CEP290: variants seen among roughly 807,000 people sequenced by gnomAD.
CEP290 encodes centrosomal protein of 290 kDa.
A neutral mutation model predicts 344.9 loss-of-function variants in CEP290; 317 were observed. The ratio of observed to expected loss-of-function variants is 0.92; its 90% CI spans 0.84 to 1.01. CEP290 has a LOEUF of 1.01. Ranked by LOEUF, CEP290 falls within the 50% of genes least tolerant of loss-of-function variation. The pLI, the probability that CEP290 is intolerant of heterozygous loss-of-function variation, is 0.00. For synonymous variants in CEP290, 932 were observed against 895.8 expected (o/e 1.04, Z -0.72); for missense variants, 2,754 against 2,761.4 (o/e 1.00, Z 0.06).
intron 17 of CEP290, among the ~76,000 whole-genome samples, chr12:88,117,919 T>C (rs1229450696): frequency 4.0e-5 from 6 of 151,810 alleles, no homozygotes; most frequent in Admixed American, 6.6e-5. Context: ...GCCTGTAGTC[T>C]CAACTACTCA....
chr12:88,074,742 C>T (rs2035634904), intron 41 of CEP290, among the ~76,000 whole-genome samples: 2 of 152,098 alleles, frequency 1.3e-5, no homozygotes, highest in Admixed American at 6.5e-5. Context: ...TGCCCCATAC[C>T]CTAGGAGAAG....
Position 88,089,207 on chromosome 12 carries a change from T to C in CEP290, c.3854A>G (p.Lys1285Arg), listed in dbSNP as rs751458477. The part of the protein sequence containing the change: ...SGALPLAQQE[K>R]FSKTMIQLQN... ...TAGTTGAATCATTGTTTTGGAGAACTTTTCCTGTTGTGCCAAGGGTAAAGC... is the reference window on the plus strand; with the variant it reads ...TAGTTGAATCATTGTTTTGGAGAACCTTTCCTGTTGTGCCAAGGGTAAAGC... The change falls in exon 31 of 54, where the codon AAG becomes AGG. Residue 1285 changes from lysine to arginine, a missense_variant. Coordinates refer to ENST00000552810, the MANE Select transcript of CEP290 (RefSeq NM_025114.4). 9.3e-6 allele frequency: 15 copies of C among 1,613,350 alleles called. No individual in the cohort carries two copies. The highest frequency in any genetic ancestry group is 1.2e-5 in the Non-Finnish European group (14 of 1,179,540).
intron 41 of CEP290, among the ~76,000 whole-genome samples, chr12:88,073,817 T>C (rs1448804181): frequency 6.6e-6 from 1 of 152,182 alleles, no homozygotes; most frequent in African/African-American, 2.4e-5. Flanking sequence ...AGATTAGTTG[T>C]CCTATCAAAA....
Position 88,077,855 on chromosome 12 carries a change from T to C in CEP290, c.5428A>G (p.Asn1810Asp), listed in dbSNP as rs1351470304. 2.1e-6 allele frequency: 3 copies of C among 1,456,240 alleles called. No individual in the cohort carries two copies. Among genetic ancestry groups the C allele is most frequent in the Non-Finnish European group, 2.8e-6 (3 of 1,068,222 alleles). The allele number at this position is 1,456,240 out of a possible 1,614,324, so 90.2% of individuals were successfully genotyped here. Residue 1810 changes from asparagine to aspartate, a missense_variant, in exon 40 of 54, where the codon AAC becomes GAC. By Grantham distance (23) the Asn-to-Asp change is conservative (BLOSUM62 1). Transcript: ENST00000552810. ...KLKEALKTSK[N>D]RENSLTDNLN... ...TTATCAGTTAGTGAGTTTTCTCTGTTTTTACTTGTTTTAAGTGCTTCTTTC... is the reference window on the plus strand; with the variant it reads ...TTATCAGTTAGTGAGTTTTCTCTGTCTTTACTTGTTTTAAGTGCTTCTTTC...
chr12:88,086,302 T>C, intron 33 of CEP290, 89 bp downstream of exon 33: 1 of 1,428,294 alleles, frequency 7.0e-7, no homozygotes. Flanking sequence ...ATAACATCAA[T>C]TAAAATTACA....
intron 32 of CEP290, among the ~76,000 whole-genome samples, 191 bp downstream of exon 32, chr12:88,087,589 G>A (rs971097860): frequency 1.3e-5 from 2 of 151,372 alleles, no homozygotes; most frequent in South Asian, 2.1e-4. Context: ...GCACGGTGGC[G>A]GGTGCCTGTA....
Position 88,111,227 on chromosome 12 carries a change from TTC to T in CEP290, c.2340_2341del (p.Asn781Ter), listed in dbSNP as rs1382701532. Reference sequence around the variant, plus strand: ...CTGTAACAAATGTATTAAATATTCATTCTGAGAATTAATGATACTGGCACTAG... The same window carrying T: ...CTGTAACAAATGTATTAAATATTCATTGAGAATTAATGATACTGGCACTAG... On this transcript the variant is annotated frameshift_variant, in exon 22 of 54. Coordinates refer to ENST00000552810, the MANE Select transcript of CEP290 (RefSeq NM_025114.4). LOFTEE classifies it high-confidence loss of function. 3 of 1,416,754 alleles carry T rather than the reference TTC, an allele frequency of 2.1e-6. No homozygotes were observed. The East Asian group carries it at 8.5e-5, about 40-fold the overall frequency. 87.8% of individuals were successfully genotyped at this position (1,416,754 alleles called of 1,614,324 possible).
At chr12:88,067,130 G>T (rs1416350014) in intron 44 of CEP290, among the ~76,000 whole-genome samples, 5 of 151,622 alleles carry the variant, frequency 3.3e-5, no homozygotes, top group Admixed American at 1.3e-4. Flanking sequence ...TGGATTAGAA[G>T]TTTGTAAGGC....
chr12:88,136,454 T>G (rs908131185), intron 6 of CEP290, 189 bp downstream of exon 6: 6 of 576,386 alleles, frequency 1.0e-5, no homozygotes, highest in African/African-American at 7.6e-5. Context: ...TCAAGTCATA[T>G]TCACTAGAAG....
At chr12:88,100,906 T>C (rs896885913) in intron 26 of CEP290, among the ~76,000 whole-genome samples, 2 of 152,130 alleles carry the variant, frequency 1.3e-5, no homozygotes, top group Admixed American at 6.5e-5. Context: ...GAAAGAACAC[T>C]GTGGTCAGAA....
chr12:88,089,397 C>T lies in CEP290; in HGVS notation c.3664G>A (p.Glu1222Lys), dbSNP rs770015278. The T allele has an allele frequency of 2.5e-6, 4 of 1,612,814 alleles. No homozygotes were observed. The African/African-American group carries it at 5.3e-5, about 22-fold the overall frequency. The change falls in exon 31 of 54, where the codon GAG becomes AAG. Residue 1222 changes from glutamate to lysine, a missense_variant. Coordinates refer to ENST00000552810, the MANE Select transcript of CEP290 (RefSeq NM_025114.4). ...LSEATALGKL[E>K]SITSKLQKME... Reference sequence around the variant, plus strand: ...TTCTGCAGTTTAGATGTAATTGACTCCAACTTACCAAGAGCAGTAGCCTCA... The same window carrying T: ...TTCTGCAGTTTAGATGTAATTGACTTCAACTTACCAAGAGCAGTAGCCTCA...
chr12:88,054,246 C>T (rs923406042), intron 51 of CEP290, 94 bp downstream of exon 51: 10 of 791,744 alleles, frequency 1.3e-5, no homozygotes, highest in Admixed American at 1.2e-4. Flanking sequence ...TCGAAAAATG[C>T]TTGTCTCTAG....
intron 29 of CEP290, 27 bp from the exon 30 acceptor site, chr12:88,090,866 A>G (rs1043210534): frequency 1.5e-6 from 2 of 1,357,510 alleles, no homozygotes; most frequent in Admixed American, 2.3e-5. Flanking sequence ...TATTTCAGGA[A>G]CAATTAAGTA....
intron 26 of CEP290, among the ~76,000 whole-genome samples, chr12:88,099,581 G>A (rs2037718714): frequency 6.6e-6 from 1 of 151,942 alleles, no homozygotes; most frequent in African/African-American, 2.4e-5. Flanking sequence ...TGGAAAATAA[G>A]CCAATATATA....
chr12:88,078,065 C>T (rs186528552), intron 39 of CEP290, 147 bp from the exon 40 acceptor site: 39 of 336,096 alleles, frequency 1.2e-4, no homozygotes, highest in African/African-American at 8.1e-4. Context: ...CCACAAACTA[C>T]ATATATTTTT....
rs1352027495 is a variant in CEP290, at chr12:88,102,951, A to G, written c.2878T>C (p.Ser960Pro). The G allele has an allele frequency of 1.3e-6, 2 of 1,597,086 alleles. No individual in the cohort carries two copies. Among genetic ancestry groups the G allele is most frequent in the South Asian group, 2.3e-5 (2 of 86,192 alleles). ...QKVVDNSVSL[S>P]ELELANKQYN... Reference sequence around the variant, plus strand: ...TGTTTATTAGCCAGTTCTAGTTCAGACAAAGAAACACTATTATCTACAACT... The same window carrying G: ...TGTTTATTAGCCAGTTCTAGTTCAGGCAAAGAAACACTATTATCTACAACT... The change falls in exon 26 of 54, where the codon TCT becomes CCT. Residue 960 changes from serine to proline, a missense_variant. By Grantham distance (74) the Ser-to-Pro change is moderately conservative. Coordinates refer to ENST00000552810, the MANE Select transcript of CEP290 (RefSeq NM_025114.4).
chr12:88,071,370 C>G lies in CEP290; in HGVS notation c.5935G>C (p.Ala1979Pro). Residue 1979 changes from alanine to proline, a missense_variant, in exon 43 of 54, where the codon GCT (alanine) becomes CCT (proline). By Grantham distance (27) the Ala-to-Pro change is conservative. Coordinates refer to ENST00000552810, the MANE Select transcript of CEP290 (RefSeq NM_025114.4). The stretch of plus-strand genomic sequence containing the variant: ...TCCAATTCTTTTTCTGACTCCAAAG[C>G]TCGTATTCCCAAAACCTGATCAACA... The part of the protein sequence containing the change: ...MTVDQVLGIR[A>P]LESEKELEEL... 1.9e-6 allele frequency: 3 copies of G among 1,610,854 alleles called. No homozygotes were observed. The highest frequency in any genetic ancestry group is 2.5e-6 in the Non-Finnish European group (3 of 1,177,816).
At chr12:88,081,644 C>T (rs545560291) in intron 37 of CEP290, among the ~76,000 whole-genome samples, 1 of 152,212 alleles carries the variant, frequency 6.6e-6, no homozygotes, top group South Asian at 2.1e-4. Context: ...TAAGAAATCA[C>T]ACAGATCCAT....
chr12:88,053,704 G>T lies in CEP290; in HGVS notation c.7077C>A (p.Ile2359=). 6.4e-7 allele frequency: 1 copy of T among 1,552,190 alleles called. No individual in the cohort carries two copies. Among genetic ancestry groups the T allele is most frequent in the Non-Finnish European group, 8.7e-7 (1 of 1,145,712 alleles). Reference sequence around the variant, plus strand: ...GGTCCTTGTTAGCTTCTATCTGATGGATTAATTCTGCTTTCTCTTTATCCA... The same window carrying T: ...GGTCCTTGTTAGCTTCTATCTGATGTATTAATTCTGCTTTCTCTTTATCCA... The part of the protein sequence containing the change: ...HQLDKEKAEL[I]HQIEANKDQS... The change falls in exon 52 of 54, where the codon ATC becomes ATA. Residue 2359 remains isoleucine (I), a synonymous_variant. Transcript: ENST00000552810.
Sources: allele counts gnomAD v4.1 joint callset (sites outside exome capture counted in the v4.1 genomes callset), GRCh38; gene constraint gnomAD v4.1.1; transcripts MANE v1.5; gene names NCBI Gene and HGNC (gene_info 2026-07-23, HGNC 2026-07-21).